GPM6A: variants seen among roughly 807,000 people sequenced by gnomAD.
GPM6A encodes the protein neuronal membrane glycoprotein M6-a.
A neutral mutation model predicts 32.1 loss-of-function variants in GPM6A; 7 were observed. The observed-to-expected ratio is 0.22, with a 90% confidence interval of 0.12 to 0.41. The LOEUF is 0.41. GPM6A is among the 10% of genes least tolerant of loss of function. The pLI, the probability that GPM6A is intolerant of heterozygous loss-of-function variation, is 1.00. For missense variants in GPM6A, 235 were observed against 347.2 expected (o/e 0.68, Z 2.57); for synonymous variants, 130 against 123.4 (o/e 1.05, Z -0.35).
At chr4:175,645,448 G>T (rs6553891) in intron 4 of GPM6A, among the ~76,000 whole-genome samples, 5 of 152,018 alleles carry the variant, frequency 3.3e-5, no homozygotes, top group Non-Finnish European at 7.4e-5. Context: ...AGGCCGGGTG[G>T]GGTGGCTCAC....
intron 3 of GPM6A, among the ~76,000 whole-genome samples, chr4:175,656,718 A>T (rs1208986463): frequency 6.6e-6 from 1 of 152,162 alleles, no homozygotes; most frequent in Non-Finnish European, 1.5e-5. Context: ...CTTAGACTTA[A>T]TGTCTAAGAA....
At chr4:175,959,661 G>A (rs977951957) in intron 1 of GPM6A, among the ~76,000 whole-genome samples, 2 of 152,076 alleles carry the variant, frequency 1.3e-5, no homozygotes, top group East Asian at 3.9e-4. Context: ...GTCAATTATT[G>A]AAATTCACTG....
chr4:175,696,244 T>C (rs1219688707), intron 2 of GPM6A, among the ~76,000 whole-genome samples: 1 of 152,178 alleles, frequency 6.6e-6, no homozygotes, highest in Non-Finnish European at 1.5e-5. Flanking sequence ...GCAGCATTAA[T>C]ACATCCCTTT....
intron 1 of GPM6A, among the ~76,000 whole-genome samples, chr4:175,724,221 A>G (rs1410499629): frequency 6.6e-6 from 1 of 152,232 alleles, no homozygotes; most frequent in Non-Finnish European, 1.5e-5. Context: ...GACAAATATC[A>G]TGTGATCTTA....
chr4:175,794,620 G>T (rs1302057326), intron 1 of GPM6A, among the ~76,000 whole-genome samples: 1 of 152,148 alleles, frequency 6.6e-6, no homozygotes, highest in African/African-American at 2.4e-5. Context: ...TGTCATTATA[G>T]AAATGTACTG....
intron 1 of GPM6A, among the ~76,000 whole-genome samples, chr4:175,723,700 A>G (rs1300895213): frequency 3.3e-5 from 5 of 152,150 alleles, no homozygotes; most frequent in African/African-American, 1.2e-4. Context: ...ATTAAGAGTA[A>G]TAAGGGAAGG....
chr4:175,760,328 T>A (rs1439138359), intron 1 of GPM6A, among the ~76,000 whole-genome samples: 1 of 152,142 alleles, frequency 6.6e-6, no homozygotes, highest in African/African-American at 2.4e-5. Flanking sequence ...TTTATGGAAA[T>A]AAATATTTGT....
chr4:175,855,689 T>C (rs1378527309), intron 1 of GPM6A, among the ~76,000 whole-genome samples: 2 of 152,296 alleles, frequency 1.3e-5, no homozygotes, highest in East Asian at 1.9e-4. Context: ...CTTCTCACTA[T>C]TGGAGTGGAA....
At chr4:175,869,601 AC>A (rs1198444119) in intron 1 of GPM6A, among the ~76,000 whole-genome samples, 1 of 151,960 alleles carries the variant, frequency 6.6e-6, no homozygotes, top group Non-Finnish European at 1.5e-5. Flanking sequence ...TACTAACAAT[AC>A]AAAAATTATC....
At chr4:175,687,198 A>G (rs569961855) in intron 2 of GPM6A, among the ~76,000 whole-genome samples, 30 of 152,086 alleles carry the variant, frequency 2.0e-4, no homozygotes, top group Non-Finnish European at 3.8e-4. Flanking sequence ...TATGGGATTT[A>G]CTCTCTTAAC....
chr4:175,890,430 G>T (rs530451261), intron 1 of GPM6A, among the ~76,000 whole-genome samples: 2 of 152,178 alleles, frequency 1.3e-5, no homozygotes, highest in East Asian at 3.9e-4. Context: ...GAGGCTTTTT[G>T]TATAATGGAA....
chr4:175,716,590 A>C (rs187136182), intron 1 of GPM6A, among the ~76,000 whole-genome samples: 163 of 152,302 alleles, frequency 1.1e-3, no homozygotes, highest in Non-Finnish European at 2.0e-3. Context: ...TAATGACACA[A>C]TGTTGAAGAT....
chr4:175,764,951 G>A (rs1214163476), intron 1 of GPM6A, among the ~76,000 whole-genome samples: 6 of 151,186 alleles, frequency 4.0e-5, no homozygotes, highest in East Asian at 1.9e-4. Flanking sequence ...TCAGCTCACC[G>A]CAAACTCTGC....
chr4:175,812,357 AGCAGTGGCTTGG>A, upstream of GPM6A: 2 of 1,320,496 alleles, frequency 1.5e-6, no homozygotes, highest in Non-Finnish European at 9.6e-7. Context: ...AAGCTCCAAC[AGCAGTGGCTTGG>A]GCAAGTCCTC....
At chr4:175,679,213 G>A (rs959752083) in intron 2 of GPM6A, among the ~76,000 whole-genome samples, 11 of 151,990 alleles carry the variant, frequency 7.2e-5, no homozygotes, top group African/African-American at 2.2e-4. Context: ...CATTTATGTT[G>A]TTGAAGAATA....
In GPM6A at chr4:175,729,396, A is replaced by G. The variant is rs868238348; in HGVS notation, c.38-27629T>C. Among the ~76,000 whole-genome samples the G allele has an allele frequency of 7.9e-5, 12 of 152,294 alleles. No individual in the cohort carries two copies. The South Asian group carries it at 1.7e-3, about 21-fold the overall frequency. On this transcript the variant is annotated intron_variant, in intron 1 of 6. Transcript: ENST00000393658. ...CCAGGAAATGCACCTTGACCCATTC[A>G]GAGTCTCCTCTATGTTCCAAGTGAA... is the stretch of plus-strand genomic sequence containing the variant.
intron 1 of GPM6A, among the ~76,000 whole-genome samples, chr4:175,780,109 G>A (rs531720051): frequency 1.3e-5 from 2 of 151,538 alleles, no homozygotes; most frequent in East Asian, 1.9e-4. Context: ...GTGGCGTGGC[G>A]TGATCTCGGC....
chr4:175,855,319 TCA>T (rs1736384281), intron 1 of GPM6A, among the ~76,000 whole-genome samples: 1 of 152,186 alleles, frequency 6.6e-6, no homozygotes, highest in Non-Finnish European at 1.5e-5. Flanking sequence ...GTTCAAAAGT[TCA>T]GTTTGCATTT....
chr4:175,989,553 CAT>C (rs1385912925), intron 1 of GPM6A, among the ~76,000 whole-genome samples: 5 of 152,120 alleles, frequency 3.3e-5, no homozygotes, highest in East Asian at 1.9e-4. Context: ...AATGCTAAAT[CAT>C]GTGATCTTTT....
Sources: allele counts gnomAD v4.1 joint callset (sites outside exome capture counted in the v4.1 genomes callset), GRCh38; gene constraint gnomAD v4.1.1; transcripts MANE v1.5; gene names NCBI Gene and HGNC (gene_info 2026-07-23, HGNC 2026-07-21).